The following GOLM2 variants were observed in gnomAD, a reference collection of about 807,000 sequenced individuals.
GOLM2 encodes the protein golgi membrane protein 2, also known as protein GOLM2.
GOLM2 carries 26 observed loss-of-function variants against 55.9 expected under a neutral mutation model. The ratio of observed to expected loss-of-function variants is 0.47; its 90% CI spans 0.34 to 0.65. GOLM2 has a LOEUF of 0.65. GOLM2 is among the 30% of genes least tolerant of loss of function. GOLM2 has a pLI of 0.01. For missense variants in GOLM2, 486 were observed against 531.8 expected, an observed-to-expected ratio of 0.91 and a Z score of 0.85; for synonymous variants, 165 against 194.6, an observed-to-expected ratio of 0.85 and a Z score of 1.27.
chr15:44,410,831 A>C (rs1027927261), intron 9 of GOLM2, among the ~76,000 whole-genome samples: 2 of 149,284 alleles, frequency 1.3e-5, no homozygotes, highest in African/African-American at 4.9e-5. Context: ...GAGCCCTGGG[A>C]AGTTGAGGCT....
intron 6 of GOLM2, among the ~76,000 whole-genome samples, chr15:44,363,056 A>G (rs1314719407): frequency 5.9e-5 from 9 of 152,112 alleles, no homozygotes; most frequent in Non-Finnish European, 1.3e-4. Context: ...GATGGATTAA[A>G]GACTTAAACG....
chr15:44,399,385 C>T (rs189464003), intron 8 of GOLM2, among the ~76,000 whole-genome samples: 10 of 152,244 alleles, frequency 6.6e-5, no homozygotes, highest in East Asian at 3.9e-4. Context: ...TTTCTCCAAA[C>T]GTGATAATTC....
intron 1 of GOLM2, among the ~76,000 whole-genome samples, chr15:44,291,441 A>T (rs1403172438): frequency 2.0e-5 from 3 of 152,222 alleles, no homozygotes; most frequent in Non-Finnish European, 4.4e-5. Context: ...GATGGTCTAC[A>T]AATGTTCCAT....
intron 6 of GOLM2, among the ~76,000 whole-genome samples, chr15:44,364,352 C>T (rs1269663936): frequency 6.8e-6 from 1 of 147,638 alleles, no homozygotes; most frequent in Non-Finnish European, 1.5e-5. Context: ...GACAAAACCC[C>T]ATCTCTACCC....
chr15:44,338,900 T>A (rs745897621), intron 6 of GOLM2, among the ~76,000 whole-genome samples: 2 of 152,192 alleles, frequency 1.3e-5, no homozygotes, highest in Non-Finnish European at 2.9e-5. Flanking sequence ...TCCCACTTGC[T>A]GCTATTCTAA....
intron 2 of GOLM2, among the ~76,000 whole-genome samples, chr15:44,325,444 G>GA (rs2078974848): frequency 6.6e-6 from 1 of 152,108 alleles, no homozygotes. Flanking sequence ...TTTGTGGGGG[G>GA]ACAGAGAAGC....
intron 6 of GOLM2, among the ~76,000 whole-genome samples, chr15:44,349,245 G>A (rs562271244): frequency 2.1e-5 from 3 of 141,382 alleles, no homozygotes; most frequent in Admixed American, 7.2e-5. Context: ...GGCAACAAGA[G>A]TGAAACTCCG....
At chr15:44,351,576 C>CAAAA (rs1175016633) in intron 6 of GOLM2, among the ~76,000 whole-genome samples, 8 of 45,858 alleles carry the variant, frequency 1.7e-4, no homozygotes, top group South Asian at 8.8e-4. Flanking sequence ...GACTCTGTCT[C>CAAAA]AAAAAAAAAA....
At chr15:44,405,420 A>G (rs1216238055) in intron 9 of GOLM2, 1 of 152,212 alleles carries the variant, frequency 6.6e-6, no homozygotes, top group African/African-American at 2.4e-5. Flanking sequence ...GGGGACCAAG[A>G]ACAAAAAGAT....
At chr15:44,382,900 G>C (rs145146825) in intron 8 of GOLM2, among the ~76,000 whole-genome samples, 6,355 of 143,596 alleles carry the variant, frequency 0.044, 241 homozygotes, top group East Asian at 0.2. Context: ...TCCAGCCTGG[G>C]CAACAGAGCG....
intron 6 of GOLM2, among the ~76,000 whole-genome samples, chr15:44,351,692 C>T (rs1027287948): frequency 6.6e-6 from 1 of 151,318 alleles, no homozygotes; most frequent in Non-Finnish European, 1.5e-5. Flanking sequence ...CTAAAGACTC[C>T]ACCAAAAAAC....
intron 1 of GOLM2, among the ~76,000 whole-genome samples, chr15:44,316,422 A>G (rs2078910021): frequency 6.6e-6 from 1 of 152,178 alleles, no homozygotes; most frequent in South Asian, 2.1e-4. Context: ...TGGTGGAGAT[A>G]TTAAATGAAG....
intron 6 of GOLM2, chr15:44,348,451 T>G (rs1424372301): frequency 1.3e-5 from 2 of 152,162 alleles, no homozygotes; most frequent in Non-Finnish European, 2.9e-5. Context: ...GTGGTAGTGG[T>G]GGACACAGGG....
intron 1 of GOLM2, among the ~76,000 whole-genome samples, chr15:44,300,909 T>TG: frequency 1.3e-5 from 2 of 152,338 alleles, no homozygotes; most frequent in East Asian, 3.9e-4. Context: ...GCCAGGTAGT[T>TG]CCTCTTTTGA....
At chr15:44,313,416 T>C (rs1595620714) in intron 1 of GOLM2, among the ~76,000 whole-genome samples, 1 of 152,326 alleles carries the variant, frequency 6.6e-6, no homozygotes, top group Non-Finnish European at 1.5e-5. Flanking sequence ...TATCTCTCAG[T>C]TTACTTCTTA....
intron 9 of GOLM2, among the ~76,000 whole-genome samples, chr15:44,407,728 C>T (rs1031958228): frequency 1.3e-4 from 19 of 150,956 alleles, no homozygotes; most frequent in Non-Finnish European, 2.5e-4. Flanking sequence ...GGATCACAGG[C>T]GTGAGCCACT....
chr15:44,395,550 CT>C (rs2079519997), intron 8 of GOLM2, among the ~76,000 whole-genome samples: 1 of 150,918 alleles, frequency 6.6e-6, no homozygotes, highest in East Asian at 2.0e-4. Flanking sequence ...CAATTTAAAA[CT>C]ATCTTTAGGG....
intron 1 of GOLM2, among the ~76,000 whole-genome samples, chr15:44,294,977 C>T (rs1281239204): frequency 6.6e-6 from 1 of 151,832 alleles, no homozygotes; most frequent in Non-Finnish European, 1.5e-5. Context: ...TCAAGGAATC[C>T]TTTCTCCAGA....
intron 1 of GOLM2, among the ~76,000 whole-genome samples, chr15:44,301,607 A>T (rs1000683656): frequency 1.3e-5 from 2 of 152,136 alleles, no homozygotes; most frequent in African/African-American, 4.8e-5. Flanking sequence ...GACATTCTTG[A>T]GAGTTTTAGT....
Sources: allele counts gnomAD v4.1 joint callset (sites outside exome capture counted in the v4.1 genomes callset), GRCh38; gene constraint gnomAD v4.1.1; transcripts MANE v1.5; gene names NCBI Gene and HGNC (gene_info 2026-07-23, HGNC 2026-07-21).